Variants in WASF2 observed in about 807,000 individuals in gnomAD.
The protein encoded by WASF2 is WASP family member 2.
Under a neutral mutation model 45.0 loss-of-function variants are expected in WASF2, and 14 were observed. The observed-to-expected ratio is 0.31, with a 90% CI of 0.21 to 0.49. WASF2 has a LOEUF of 0.49. Ranked by LOEUF, WASF2 falls within the 20% of genes least tolerant of loss-of-function variation. The pLI, the probability that WASF2 is intolerant of heterozygous loss-of-function variation, is 0.99. For synonymous variants in WASF2, 200 were observed against 236.3 expected (o/e 0.85, Z 1.41); for missense variants, 439 against 636.1 (o/e 0.69, Z 3.33).
At chr1:27,457,448 ACGCCT>A (rs1236761634) in intron 1 of WASF2, 1 of 151,890 alleles carries the variant, frequency 6.6e-6, no homozygotes, top group Non-Finnish European at 1.5e-5. Flanking sequence ...ATGGTGGCTG[ACGCCT>A]GTAGTCCCAG....
chr1:27,442,544 A>G (rs1370295881), intron 1 of WASF2, among the ~76,000 whole-genome samples: 1 of 151,436 alleles, frequency 6.6e-6, no homozygotes, highest in African/African-American at 2.4e-5. Flanking sequence ...CTCCATCTCA[A>G]AAAAATTAAA....
chr1:27,448,222 T>C (rs1047343880), intron 1 of WASF2, among the ~76,000 whole-genome samples: 3 of 152,242 alleles, frequency 2.0e-5, no homozygotes, highest in African/African-American at 7.2e-5. Flanking sequence ...TTTCCTATTC[T>C]CCATGCATGC....
intron 1 of WASF2, among the ~76,000 whole-genome samples, chr1:27,446,963 T>C (rs1445386929): frequency 6.6e-6 from 1 of 152,188 alleles, no homozygotes; most frequent in Non-Finnish European, 1.5e-5. Flanking sequence ...AGTGGCCTTC[T>C]GGTTCTTCCA....
At chr1:27,426,455 G>A (rs1426570065) in intron 2 of WASF2, among the ~76,000 whole-genome samples, 2 of 151,988 alleles carry the variant, frequency 1.3e-5, no homozygotes, top group African/African-American at 4.8e-5. Flanking sequence ...TAGGAAGTCT[G>A]AGTTTAAACA....
chr1:27,474,993 G>C (rs2017746604), intron 1 of WASF2, among the ~76,000 whole-genome samples: 1 of 151,662 alleles, frequency 6.6e-6, no homozygotes, highest in African/African-American at 2.4e-5. Flanking sequence ...CAAAACTCCT[G>C]GCCAGATGTG....
rs869245464 is a variant in WASF2 at position 27,454,153 on chromosome 1, GTATATATATATATATATATA to G, written c.-43-25240_-43-25221del. On this transcript the variant is annotated intron_variant, in intron 1 of 8. Transcript: ENST00000618852. ...TATATATATGTGTGTGTGTGTGTGT[GTATATATATATATATATATA>G]TATATATATATATATTTTTTTTTTT... Among the ~76,000 whole-genome samples the G allele has an allele frequency of 3.1e-4, 31 of 98,686 alleles. No homozygotes were observed. In the East Asian group the frequency reaches 5.9e-3, roughly 19 times the overall value. The allele number at this position is 98,686 out of a possible 152,430, so 64.7% of individuals were successfully genotyped here.
intron 1 of WASF2, among the ~76,000 whole-genome samples, chr1:27,435,756 T>C (rs75675923): frequency 0.025 from 3,874 of 152,282 alleles, 167 homozygotes; most frequent in African/African-American, 0.087. Context: ...CTCCTGTTAT[T>C]ACCAGAAGAC....
intron 1 of WASF2, among the ~76,000 whole-genome samples, chr1:27,461,460 AT>A (rs1310567255): frequency 4.8e-3 from 614 of 127,658 alleles, no homozygotes; most frequent in Non-Finnish European, 5.9e-3. Context: ...CCACTTCAGC[AT>A]TTTTTTTTTT....
chr1:27,481,622 T>C (rs1024042422), intron 1 of WASF2, among the ~76,000 whole-genome samples: 1 of 151,390 alleles, frequency 6.6e-6, no homozygotes, highest in Non-Finnish European at 1.5e-5. Flanking sequence ...GAGAATGGCT[T>C]GAGCCTGGGG....
At chr1:27,477,684 G>A (rs1274630900) in intron 1 of WASF2, among the ~76,000 whole-genome samples, 3 of 105,064 alleles carry the variant, frequency 2.9e-5, no homozygotes, top group African/African-American at 1.6e-4. Flanking sequence ...CGGATCACGA[G>A]GTCAGGAGAT....
intron 1 of WASF2, among the ~76,000 whole-genome samples, chr1:27,468,369 A>G (rs2017643198): frequency 6.6e-6 from 1 of 151,782 alleles, no homozygotes; most frequent in Non-Finnish European, 1.5e-5. Flanking sequence ...GACCAGGCGT[A>G]GTGGCTCACG....
Position 27,479,859 on chromosome 1 carries a change from C to T in WASF2, c.-44+10127G>A, listed in dbSNP as rs1424224963. On this transcript the variant is annotated intron_variant, in intron 1 of 8. Coordinates refer to ENST00000618852, the MANE Select transcript of WASF2 (RefSeq NM_006990.5). ...CAGCCTGGGTGACAGAGCAAGACTCCGTCTCAAAAAAACAAACAAACAAAA... is the reference window on the plus strand; with the variant it reads ...CAGCCTGGGTGACAGAGCAAGACTCTGTCTCAAAAAAACAAACAAACAAAA... 3.9e-5 allele frequency among the ~76,000 whole-genome samples: 6 copies of T among 152,102 alleles called. No homozygotes were observed. In the South Asian group the frequency reaches 8.3e-4, roughly 21 times the overall value.
chr1:27,473,104 C>T (rs952627683), intron 1 of WASF2, among the ~76,000 whole-genome samples: 5 of 151,494 alleles, frequency 3.3e-5, no homozygotes, highest in African/African-American at 9.7e-5. Context: ...AACCTGTATC[C>T]GGAATAAAGA....
At position 27,487,548 on chromosome 1, in the gene WASF2, TTA is replaced by T. The variant is rs1218007343; in HGVS notation, c.-44+2436_-44+2437del. Among the ~76,000 whole-genome samples the T allele has an allele frequency of 1.2e-3, 125 of 105,834 alleles. 1 individual carries two copies. Among genetic ancestry groups the T allele is most frequent in the African/African-American group, 2.2e-3 (58 of 26,338 alleles). The allele number at this position is 105,834 out of a possible 152,430, so 69.4% of individuals were successfully genotyped here. On this transcript the variant is annotated intron_variant, in intron 1 of 8. Transcript: ENST00000618852. ...TATTTTATACAATATATAATATATATTATATATATTTTATACAATATATAATA... is the reference window on the plus strand; with the variant it reads ...TATTTTATACAATATATAATATATATTATATATTTTATACAATATATAATA...
chr1:27,476,587 TA>T (rs747353884), intron 1 of WASF2, among the ~76,000 whole-genome samples: 109 of 139,900 alleles, frequency 7.8e-4, no homozygotes, highest in Admixed American at 7.1e-4. Flanking sequence ...GGACAAAATT[TA>T]AAAAAAAAAA....
intron 1 of WASF2, among the ~76,000 whole-genome samples, chr1:27,487,500 TATA>T (rs1338286299): frequency 1.8e-5 from 2 of 110,068 alleles, no homozygotes; most frequent in Non-Finnish European, 3.5e-5. Flanking sequence ...TATATAATAT[TATA>T]ATATATGTTA....
intron 1 of WASF2, among the ~76,000 whole-genome samples, chr1:27,471,623 G>A (rs866168967): frequency 6.6e-6 from 1 of 152,008 alleles, no homozygotes; most frequent in Non-Finnish European, 1.5e-5. Flanking sequence ...GCAAGAACCT[G>A]TCTCAAACAC....
chr1:27,472,242 T>C (rs1317958856), intron 1 of WASF2, among the ~76,000 whole-genome samples: 2 of 151,120 alleles, frequency 1.3e-5, no homozygotes, highest in Non-Finnish European at 2.9e-5. Context: ...GGAGAATTGC[T>C]TCAGCCCAGG....
intron 1 of WASF2, among the ~76,000 whole-genome samples, chr1:27,446,660 A>G (rs992432361): frequency 2.6e-5 from 4 of 151,988 alleles, no homozygotes; most frequent in Admixed American, 2.0e-4. Context: ...GCACACTGGT[A>G]GTCCCAGCTA....
Sources: gnomAD v4.1 joint callset for allele counts (sites outside exome capture counted in the v4.1 genomes callset) on GRCh38, gnomAD v4.1.1 for gene constraint, MANE v1.5 for transcripts, NCBI Gene and HGNC (gene_info 2026-07-23, HGNC 2026-07-21) for gene names.